Variants in COL24A1 observed in about 807,000 individuals in gnomAD.
COL24A1 encodes the protein collagen type XXIV alpha 1 chain, also known as collagen alpha-1(XXIV) chain.
In COL24A1, 224 loss-of-function variants were observed where a neutral mutation model predicts 253.9. The observed-to-expected ratio is 0.88, with a 90% CI of 0.79 to 0.99. COL24A1 has a LOEUF of 0.99. Among genes scored for constraint, COL24A1 ranks in the 50% least tolerant of loss-of-function variants. COL24A1 has a pLI of 0.00. For missense variants in COL24A1, 2,131 were observed against 2,068.5 expected (o/e 1.03, Z -0.59); for synonymous variants, 685 against 673.7 (o/e 1.02, Z -0.26).
chr1:86,021,748 T>G (rs1697556197), intron 18 of COL24A1, among the ~76,000 whole-genome samples: 1 of 152,062 alleles, frequency 6.6e-6, no homozygotes, highest in South Asian at 2.1e-4. Context: ...TTTTTTGAGT[T>G]TTATGTTAAC....
intron 5 of COL24A1, among the ~76,000 whole-genome samples, chr1:86,107,081 A>G (rs1046223614): frequency 6.6e-6 from 1 of 152,214 alleles, no homozygotes; most frequent in African/African-American, 2.4e-5. Context: ...TAAAGTCTTT[A>G]AGTTAGGTAA....
At chr1:86,073,957 AGGG>A (rs1330891301) in intron 7 of COL24A1, among the ~76,000 whole-genome samples, 1 of 151,188 alleles carries the variant, frequency 6.6e-6, no homozygotes, top group Non-Finnish European at 1.5e-5. Flanking sequence ...CCTTACAAGG[AGGG>A]AGCATTAAAT....
intron 7 of COL24A1, among the ~76,000 whole-genome samples, chr1:86,087,238 T>A (rs1703125593): frequency 6.6e-6 from 1 of 152,164 alleles, no homozygotes; most frequent in Admixed American, 6.5e-5. Flanking sequence ...CCAGTATGTT[T>A]AAAATAATGC....
intron 5 of COL24A1, among the ~76,000 whole-genome samples, chr1:86,104,995 C>T (rs554282570): frequency 1.3e-5 from 2 of 152,292 alleles, no homozygotes; most frequent in South Asian, 2.1e-4. Flanking sequence ...AGCACAGGGA[C>T]GAGGCACTGG....
At chr1:85,785,705 G>T (rs1263468881) in intron 48 of COL24A1, among the ~76,000 whole-genome samples, 1 of 152,176 alleles carries the variant, frequency 6.6e-6, no homozygotes, top group African/African-American at 2.4e-5. Context: ...AAATTCTTTA[G>T]AAGTGGAACT....
intron 35 of COL24A1, 30 bp from the exon 36 acceptor site, chr1:85,868,865 G>GC: frequency 6.8e-7 from 1 of 1,467,080 alleles, no homozygotes; most frequent in Non-Finnish European, 9.2e-7. Flanking sequence ...GTATGATTGA[G>GC]TTTTTTTTTG....
At chr1:85,914,364 T>G (rs976435110) in intron 24 of COL24A1, among the ~76,000 whole-genome samples, 7 of 151,462 alleles carry the variant, frequency 4.6e-5, no homozygotes, top group African/African-American at 1.7e-4. Flanking sequence ...TCTTTGGTTC[T>G]TTTCTTCTCA....
intron 10 of COL24A1, among the ~76,000 whole-genome samples, chr1:86,052,648 T>C (rs958564861): frequency 6.6e-6 from 1 of 152,010 alleles, no homozygotes. Context: ...GTTTTTAAGA[T>C]GGATGGTGGC....
At chr1:86,007,187 C>A (rs1322702021) in intron 19 of COL24A1, among the ~76,000 whole-genome samples, 1 of 151,834 alleles carries the variant, frequency 6.6e-6, no homozygotes. Context: ...TGAACTCCGG[C>A]CTGAGTGACA....
intron 24 of COL24A1, among the ~76,000 whole-genome samples, chr1:85,933,103 A>G (rs1380385932): frequency 1.5e-5 from 1 of 68,776 alleles, no homozygotes; most frequent in African/African-American, 5.2e-5. Context: ...AAAAAAAAAG[A>G]AAGAAAGAAA....
At chr1:85,807,956 T>C (rs1672152827) in intron 47 of COL24A1, among the ~76,000 whole-genome samples, 1 of 152,204 alleles carries the variant, frequency 6.6e-6, no homozygotes, top group African/African-American at 2.4e-5. Flanking sequence ...AATGGAGTTT[T>C]CATCCAATTC....
chr1:85,927,804 A>C (rs1687475681), intron 24 of COL24A1, among the ~76,000 whole-genome samples: 1 of 106,578 alleles, frequency 9.4e-6, no homozygotes, highest in Non-Finnish European at 1.9e-5. Flanking sequence ...ACTGGGAGGC[A>C]CCCCCCAGCA....
intron 12 of COL24A1, among the ~76,000 whole-genome samples, chr1:86,044,253 T>C (rs1017222381): frequency 6.6e-6 from 1 of 152,170 alleles, no homozygotes; most frequent in African/African-American, 2.4e-5. Flanking sequence ...TTATTTATAA[T>C]AAACAGAAAG....
chr1:85,982,363 A>G (rs926491766), intron 20 of COL24A1, among the ~76,000 whole-genome samples: 12 of 152,104 alleles, frequency 7.9e-5, no homozygotes, highest in South Asian at 2.1e-4. Flanking sequence ...GTGTGCACAC[A>G]TTTTGTTACA....
At chr1:85,872,148 G>C (rs1021480735) in intron 35 of COL24A1, among the ~76,000 whole-genome samples, 6 of 152,124 alleles carry the variant, frequency 3.9e-5, no homozygotes, top group African/African-American at 4.8e-5. Context: ...GGATGTGAAG[G>C]ACCTCTTCAA....
intron 14 of COL24A1, 83 bp downstream of exon 14, chr1:86,031,795 C>G (rs1698593470): frequency 7.3e-6 from 8 of 1,095,704 alleles, no homozygotes; most frequent in Non-Finnish European, 1.0e-5. Flanking sequence ...TCTCATTTCC[C>G]TAAGTTTCAA....
chr1:86,040,599 T>G (rs1699405968), intron 12 of COL24A1, among the ~76,000 whole-genome samples: 1 of 151,728 alleles, frequency 6.6e-6, no homozygotes, highest in African/African-American at 2.4e-5. Context: ...CTCCAAATTA[T>G]AACATGTAGT....
chr1:85,882,241 G>A (rs1171839254), intron 32 of COL24A1, among the ~76,000 whole-genome samples: 1 of 152,140 alleles, frequency 6.6e-6, no homozygotes, highest in East Asian at 1.9e-4. Flanking sequence ...ACTTTGGGAG[G>A]CTGAGGCGGG....
rs563111698 is a variant in COL24A1, at chr1:85,852,123, C to T, written c.3301-2717G>A. 9.2e-5 allele frequency among the ~76,000 whole-genome samples: 14 copies of T among 151,528 alleles called. No individual in the cohort carries two copies. The South Asian group carries it at 2.7e-3, about 29-fold the overall frequency. On this transcript the variant is annotated intron_variant, in intron 37 of 59. Coordinates refer to ENST00000370571, the MANE Select transcript of COL24A1 (RefSeq NM_152890.7). ...GTGTTTGTGTGTGTGCGCGCACGTGCGCATTTGTGTGAGGGAGAGTATTTT... is the reference window on the plus strand; with the variant it reads ...GTGTTTGTGTGTGTGCGCGCACGTGTGCATTTGTGTGAGGGAGAGTATTTT...
Sources: allele counts gnomAD v4.1 joint callset (sites outside exome capture counted in the v4.1 genomes callset), GRCh38; gene constraint gnomAD v4.1.1; transcripts MANE v1.5; gene names NCBI Gene and HGNC (gene_info 2026-07-23, HGNC 2026-07-21).